Variants in MN1 observed in about 807,000 individuals in gnomAD.
The protein encoded by MN1 is MN1 proto-oncogene, transcriptional regulator, also known as transcriptional activator MN1.
MN1 carries 19 observed loss-of-function variants against 86.9 expected under a neutral mutation model. That is an observed-to-expected ratio of 0.22 (90% CI 0.15 to 0.32). The LOEUF (loss-of-function observed/expected upper bound fraction) is 0.32. MN1 is among the 10% of genes least tolerant of loss of function. The pLI is 1.00. For synonymous variants in MN1, 928 were observed against 849.6 expected, an observed-to-expected ratio of 1.09 and a Z score of -1.60; for missense variants, 1,841 against 1,862.0, an observed-to-expected ratio of 0.99 and a Z score of 0.21.
chr22:27,749,490 A>G lies in MN1; in HGVS notation c.*1425T>C. 4.3e-6 allele frequency: 1 copy of G among 232,366 alleles called. No individual in the cohort carries two copies. Among genetic ancestry groups the G allele is most frequent in the Non-Finnish European group, 8.5e-6 (1 of 117,456 alleles). 14.4% of individuals were successfully genotyped at this position (232,366 alleles called of 1,614,324 possible). Reference sequence around the variant, plus strand: ...GGGAATCTATGTGCCCCCCACCACAAGCCATAAATGGCTTTTGCAGGCATC... The same window carrying G: ...GGGAATCTATGTGCCCCCCACCACAGGCCATAAATGGCTTTTGCAGGCATC... On this transcript the variant is annotated 3_prime_UTR_variant, in exon 2 of 2. Transcript: ENST00000302326.
intron 1 of MN1, among the ~76,000 whole-genome samples, chr22:27,756,950 A>G (rs774451359): frequency 6.6e-6 from 1 of 152,008 alleles, no homozygotes; most frequent in South Asian, 2.1e-4. Flanking sequence ...TGTAGAGATG[A>G]GGTTCTCACT....
chr22:27,799,200 G>T lies in MN1; in HGVS notation c.1344C>A (p.Pro448=), dbSNP rs1378801620. The T allele has an allele frequency of 8.7e-6, 14 of 1,604,748 alleles. No individual in the cohort carries two copies. Among genetic ancestry groups the T allele is most frequent in the Non-Finnish European group, 1.1e-5 (13 of 1,173,764 alleles). ...GCCTCTTGGCCACGTTCATGTAGGG[G>T]GGCGCGTCGAAATGCTGCAGCCGCT... ...PNQRLQHFDA[P]PYMNVAKRPR... is the part of the protein sequence containing the mutation. Residue 448 remains proline, a synonymous_variant, in exon 1 of 2, where the codon CCC becomes CCA. Coordinates refer to ENST00000302326, the MANE Select transcript of MN1 (RefSeq NM_002430.3).
chr22:27,777,253 C>G (rs1013311538), intron 1 of MN1, among the ~76,000 whole-genome samples: 1 of 152,170 alleles, frequency 6.6e-6, no homozygotes, highest in Non-Finnish European at 1.5e-5. Flanking sequence ...AAAGTTCTGG[C>G]TGGGTGCAGC....
Position 27,800,635 on chromosome 22 carries a change from G to A in MN1, c.-92C>T, listed in dbSNP as rs1892700210. ...CAGCTACTCGTTCCAGCCCAGGATT[G>A]GGCGCTCCGGGACGCTCAGCACCGC... On this transcript the variant is annotated 5_prime_UTR_variant, in exon 1 of 2. Transcript: ENST00000302326. 3.2e-6 allele frequency: 5 copies of A among 1,578,164 alleles called. No homozygotes were observed. In the Admixed American group the frequency reaches 7.0e-5, roughly 22 times the overall value.
At chr22:27,765,553 C>G (rs561459222) in intron 1 of MN1, among the ~76,000 whole-genome samples, 279 of 152,336 alleles carry the variant, frequency 1.8e-3, no homozygotes, top group African/African-American at 6.2e-3. Context: ...CCTCTGAGGA[C>G]CCCCGTGTGG....
chr22:27,760,493 A>G (rs1347112467), intron 1 of MN1, among the ~76,000 whole-genome samples: 1 of 150,414 alleles, frequency 6.6e-6, no homozygotes, highest in Non-Finnish European at 1.5e-5. Flanking sequence ...AGAGTGACAG[A>G]GCAAGACCCT....
Position 27,750,991 on chromosome 22 carries a change from G to A in MN1, c.3887C>T (p.Ala1296Val). The change falls in exon 2 of 2, where the codon GCC (alanine) becomes GTC (valine). Residue 1296 changes from alanine (A) to valine (V), a missense_variant. Coordinates refer to ENST00000302326, the MANE Select transcript of MN1 (RefSeq NM_002430.3). Reference protein sequence around the residue: ...TDDVGDAKARASVPTWRSLHS... With the variant: ...TDDVGDAKARVSVPTWRSLHS... ...CAGGGACCGCCAGGTGGGCACGGAG[G>A]CTCGAGCCTTGGCGTCACCCACGTC... 1 of 1,613,096 alleles carries A rather than the reference G, an allele frequency of 6.2e-7. No individual in the cohort carries two copies. The highest frequency in any genetic ancestry group is 1.1e-5 in the South Asian group (1 of 90,956).
At chr22:27,778,097 C>T (rs1363457709) in intron 1 of MN1, among the ~76,000 whole-genome samples, 1 of 152,102 alleles carries the variant, frequency 6.6e-6, no homozygotes, top group East Asian at 1.9e-4. Flanking sequence ...TTAATGCGCT[C>T]TTAAATATTA....
chr22:27,785,083 C>CAT (rs1933107165), intron 1 of MN1, among the ~76,000 whole-genome samples: 1 of 151,808 alleles, frequency 6.6e-6, no homozygotes, highest in Non-Finnish European at 1.5e-5. Flanking sequence ...CACACACACA[C>CAT]ACACACACAC....
intron 1 of MN1, among the ~76,000 whole-genome samples, chr22:27,774,100 C>T (rs1035069952): frequency 2.6e-5 from 4 of 152,150 alleles, no homozygotes; most frequent in Admixed American, 2.0e-4. Context: ...CCAGATTCCC[C>T]CCAACTCTGC....
Position 27,796,948 on chromosome 22 carries a change from A to C in MN1, c.3596T>G (p.Leu1199Arg), listed in dbSNP as rs770634832. ...ASGAQNGDSE[L>R]GSCCSEAVKS... ...GACCGCCTCGGAGCAGCAGCTGCCC[A>C]GCTCGCTGTCGCCATTCTGCGCCCC... The change falls in exon 1 of 2, where the codon CTG becomes CGG. Residue 1199 changes from leucine (L) to arginine (R), a missense_variant. By Grantham distance (102) the Leu-to-Arg change is moderately radical. Coordinates refer to ENST00000302326, the MANE Select transcript of MN1 (RefSeq NM_002430.3). The C allele has an allele frequency of 1.6e-5, 25 of 1,612,438 alleles. No homozygotes were observed. Among genetic ancestry groups the C allele is most frequent in the Non-Finnish European group, 2.1e-5 (25 of 1,179,842 alleles).
intron 1 of MN1, among the ~76,000 whole-genome samples, chr22:27,775,784 C>T (rs750532359): frequency 2.0e-4 from 31 of 152,246 alleles, no homozygotes; most frequent in Non-Finnish European, 3.8e-4. Context: ...TATCCTTGAA[C>T]CCAGAGGCAG....
chr22:27,785,493 C>T (rs966032045), intron 1 of MN1, among the ~76,000 whole-genome samples: 1 of 152,160 alleles, frequency 6.6e-6, no homozygotes, highest in African/African-American at 2.4e-5. Context: ...TTTTTAAAGT[C>T]TTCCAGCTCT....
At chr22:27,763,742 G>A (rs1932849732) in intron 1 of MN1, among the ~76,000 whole-genome samples, 1 of 152,208 alleles carries the variant, frequency 6.6e-6, no homozygotes, top group Non-Finnish European at 1.5e-5. Context: ...AGCTCAGAGA[G>A]GTGAACCCAA....
chr22:27,774,959 C>T lies in MN1; in HGVS notation c.3781+21804G>A, dbSNP rs193284248. ...CTTGCATAGCCCCTGGGCAACTCCACAGGTGATGGGGAGCCGGTAGGTGGG... is the reference window on the plus strand; with the variant it reads ...CTTGCATAGCCCCTGGGCAACTCCATAGGTGATGGGGAGCCGGTAGGTGGG... On this transcript the variant is annotated intron_variant, in intron 1 of 1. Coordinates refer to ENST00000302326, the MANE Select transcript of MN1 (RefSeq NM_002430.3). Among the ~76,000 whole-genome samples the T allele has an allele frequency of 1.1e-4, 16 of 152,314 alleles. No homozygotes were observed. The East Asian group carries it at 3.1e-3, about 29-fold the overall frequency.
intron 1 of MN1, among the ~76,000 whole-genome samples, chr22:27,775,190 C>A (rs1041292631): frequency 6.6e-6 from 1 of 152,216 alleles, no homozygotes; most frequent in African/African-American, 2.4e-5. Context: ...TGCTTCACAG[C>A]GGCTGGAGGG....
intron 1 of MN1, among the ~76,000 whole-genome samples, chr22:27,772,378 G>A (rs1228508004): frequency 1.3e-5 from 2 of 152,210 alleles, no homozygotes; most frequent in Non-Finnish European, 2.9e-5. Context: ...GTTACCATTT[G>A]CCTTTCGAGG....
intron 1 of MN1, among the ~76,000 whole-genome samples, chr22:27,760,988 C>G (rs544174208): frequency 6.6e-5 from 10 of 152,280 alleles, no homozygotes; most frequent in Admixed American, 6.5e-4. Context: ...CACTGAGCCT[C>G]AAGGAGGCGA....
chr22:27,796,277 C>G (rs2146314825), intron 1 of MN1, among the ~76,000 whole-genome samples: 1 of 152,200 alleles, frequency 6.6e-6, no homozygotes, highest in South Asian at 2.1e-4. Context: ...ATGCTGGCAC[C>G]TAAAAGAACT....
Sources: gnomAD v4.1 joint callset for allele counts (sites outside exome capture counted in the v4.1 genomes callset) on GRCh38, gnomAD v4.1.1 for gene constraint, MANE v1.5 for transcripts, NCBI Gene and HGNC (gene_info 2026-07-23, HGNC 2026-07-21) for gene names.